The following MCTP1 variants were observed in gnomAD, a reference collection of about 807,000 sequenced individuals.
MCTP1 encodes the protein multiple C2 and transmembrane domain-containing protein 1.
In MCTP1, 69 loss-of-function variants were observed where a neutral mutation model predicts 120.6. The observed-to-expected ratio is 0.57, with a 90% CI of 0.47 to 0.70. The LOEUF (loss-of-function observed/expected upper bound fraction) is 0.70. Among genes scored for constraint, MCTP1 ranks in the 30% least tolerant of loss-of-function variants. MCTP1 has a pLI of 0.00. For missense variants in MCTP1, 1,203 were observed against 1,248.8 expected (o/e 0.96, Z 0.55); for synonymous variants, 529 against 493.1 (o/e 1.07, Z -0.96).
chr5:94,834,354 G>A (rs1351344464), intron 17 of MCTP1, among the ~76,000 whole-genome samples: 1 of 152,042 alleles, frequency 6.6e-6, no homozygotes, highest in Non-Finnish European at 1.5e-5. Flanking sequence ...TACATAACTA[G>A]CTGTCCCTTT....
chr5:95,209,384 C>A (rs1752057569), intron 1 of MCTP1, among the ~76,000 whole-genome samples: 1 of 152,094 alleles, frequency 6.6e-6, no homozygotes, highest in Admixed American at 6.6e-5. Context: ...CTTTGCCTGG[C>A]CCCTCTCTTT....
chr5:94,823,403 A>C (rs189116690), intron 17 of MCTP1, among the ~76,000 whole-genome samples: 3 of 152,256 alleles, frequency 2.0e-5, no homozygotes. Context: ...ATTGATCTAT[A>C]TATGTGTTTT....
chr5:95,099,500 C>A lies in MCTP1; in HGVS notation c.721-82016G>T, dbSNP rs1756544748. 5.3e-5 allele frequency among the ~76,000 whole-genome samples: 8 copies of A among 152,174 alleles called. No homozygotes were observed. The South Asian group carries it at 1.7e-3, about 32-fold the overall frequency. On this transcript the variant is annotated intron_variant, in intron 1 of 22. Coordinates refer to ENST00000515393, the MANE Select transcript of MCTP1 (RefSeq NM_024717.7). Reference sequence around the variant, plus strand: ...CATTTCTCAAAAGAAGATATTTATGCAGCCAAAAAACACATGAAAAAATGC... The same window carrying A: ...CATTTCTCAAAAGAAGATATTTATGAAGCCAAAAAACACATGAAAAAATGC...
chr5:94,921,314 C>T (rs1424073733), intron 7 of MCTP1, among the ~76,000 whole-genome samples: 1 of 152,168 alleles, frequency 6.6e-6, no homozygotes. Context: ...ATTAGACTAT[C>T]CCTGTACACA....
intron 19 of MCTP1, among the ~76,000 whole-genome samples, chr5:94,765,874 G>T (rs2152874262): frequency 6.6e-6 from 1 of 151,480 alleles, no homozygotes; most frequent in African/African-American, 2.4e-5. Flanking sequence ...ATTGAAAAAA[G>T]ACATTATAAC....
intron 11 of MCTP1, among the ~76,000 whole-genome samples, chr5:94,892,912 T>G (rs961102110): frequency 3.3e-5 from 5 of 152,210 alleles, no homozygotes; most frequent in African/African-American, 1.2e-4. Context: ...CCATAGGTCT[T>G]TGTCCTTTTA....
At chr5:94,832,651 C>T in intron 17 of MCTP1, among the ~76,000 whole-genome samples, 1 of 150,876 alleles carries the variant, frequency 6.6e-6, no homozygotes, top group African/African-American at 2.4e-5. Context: ...CACACACTTC[C>T]CTACTCCCCT....
intron 1 of MCTP1, among the ~76,000 whole-genome samples, chr5:95,211,679 A>G (rs982393224): frequency 3.9e-5 from 6 of 152,200 alleles, no homozygotes; most frequent in African/African-American, 1.4e-4. Flanking sequence ...TCAACTTGTC[A>G]AAGTCATTCT....
At chr5:94,931,344 A>G (rs935634038) in intron 6 of MCTP1, 8 of 152,180 alleles carry the variant, frequency 5.3e-5, no homozygotes, top group African/African-American at 1.7e-4. Context: ...TCATCTTGAT[A>G]TCGATCTGTG....
At position 95,248,830 on chromosome 5, in the gene MCTP1, A is replaced by C. The variant is rs1324491056; in HGVS notation, c.720+35026T>G. Among the ~76,000 whole-genome samples, 3 of 152,328 alleles carry C rather than the reference A, an allele frequency of 2.0e-5. No individual in the cohort carries two copies. In the East Asian group the frequency reaches 5.8e-4, roughly 29 times the overall value. Reference sequence around the variant, plus strand: ...TGGTACCAAAACAGATATATAGACCAATGGAACAGAACAGAGGCCTCAGAA... The same window carrying C: ...TGGTACCAAAACAGATATATAGACCCATGGAACAGAACAGAGGCCTCAGAA... On this transcript the variant is annotated intron_variant, in intron 1 of 22. Transcript: ENST00000515393.
At chr5:94,823,147 G>A (rs1561695255) in intron 17 of MCTP1, among the ~76,000 whole-genome samples, 1 of 152,144 alleles carries the variant, frequency 6.6e-6, no homozygotes, top group Non-Finnish European at 1.5e-5. Context: ...GAATGGTATT[G>A]CCTAGGTTTT....
intron 1 of MCTP1, among the ~76,000 whole-genome samples, chr5:95,201,237 A>G (rs548761426): frequency 5.9e-5 from 9 of 152,198 alleles, no homozygotes; most frequent in Non-Finnish European, 1.0e-4. Flanking sequence ...AGCAACATCC[A>G]CATATCATAG....
At chr5:94,878,501 G>C (rs909876738) in intron 12 of MCTP1, among the ~76,000 whole-genome samples, 1 of 151,820 alleles carries the variant, frequency 6.6e-6, no homozygotes, top group Non-Finnish European at 1.5e-5. Context: ...CAACCTACTA[G>C]ATCTAATACT....
chr5:95,071,222 G>A (rs1035487746), intron 1 of MCTP1, among the ~76,000 whole-genome samples: 4 of 152,172 alleles, frequency 2.6e-5, no homozygotes, highest in East Asian at 1.9e-4. Context: ...CACCAGATCC[G>A]GAGCCTGAGG....
chr5:95,005,322 T>A (rs1409416279), intron 2 of MCTP1, among the ~76,000 whole-genome samples: 1 of 152,198 alleles, frequency 6.6e-6, no homozygotes. Context: ...GATGAGACTT[T>A]GGACTTGGAC....
At chr5:94,849,572 C>T (rs1281044138) in intron 17 of MCTP1, among the ~76,000 whole-genome samples, 1 of 152,094 alleles carries the variant, frequency 6.6e-6, no homozygotes, top group Non-Finnish European at 1.5e-5. Flanking sequence ...GCGTCCCAAT[C>T]TAGAGCAGTG....
chr5:94,841,647 T>C (rs1791074483), intron 17 of MCTP1, among the ~76,000 whole-genome samples: 2 of 152,214 alleles, frequency 1.3e-5, no homozygotes, highest in African/African-American at 4.8e-5. Flanking sequence ...CATATATAGA[T>C]ACATTTTTAT....
At chr5:94,736,536 TATAG>T (rs1764302153) in intron 19 of MCTP1, among the ~76,000 whole-genome samples, 1 of 152,176 alleles carries the variant, frequency 6.6e-6, no homozygotes, top group African/African-American at 2.4e-5. Context: ...CCCATGTTTA[TATAG>T]ATAAATAAAG....
chr5:94,923,615 T>C (rs1426131580), intron 7 of MCTP1, among the ~76,000 whole-genome samples: 1 of 152,116 alleles, frequency 6.6e-6, no homozygotes, highest in Non-Finnish European at 1.5e-5. Flanking sequence ...AAAATTCTAA[T>C]CTCATTTTAC....
Sources: gnomAD v4.1 joint callset for allele counts (sites outside exome capture counted in the v4.1 genomes callset) on GRCh38, gnomAD v4.1.1 for gene constraint, MANE v1.5 for transcripts, NCBI Gene and HGNC (gene_info 2026-07-23, HGNC 2026-07-21) for gene names.